The following WDR72 variants were observed in gnomAD, a reference collection of about 807,000 sequenced individuals.
WDR72 encodes the protein WD repeat-containing protein 72.
WDR72 carries 120 observed loss-of-function variants against 124.2 expected under a neutral mutation model. The ratio of observed to expected loss-of-function variants is 0.97; its 90% CI spans 0.83 to 1.12. WDR72 has a LOEUF of 1.12. Among genes scored for constraint, WDR72 ranks in the 50% most tolerant of loss-of-function variants. WDR72 has a pLI of 0.00. For synonymous variants in WDR72, 452 were observed against 441.7 expected, an observed-to-expected ratio of 1.02 and a Z score of -0.29; for missense variants, 1,387 against 1,278.8, an observed-to-expected ratio of 1.08 and a Z score of -1.29.
intron 14 of WDR72, among the ~76,000 whole-genome samples, chr15:53,626,088 C>CG (rs1375398743): frequency 6.6e-6 from 1 of 152,090 alleles, no homozygotes; most frequent in Admixed American, 6.6e-5. Flanking sequence ...CTACTGTTAC[C>CG]GGGGGTCCTT....
At chr15:53,539,699 G>A (rs547327506) in intron 18 of WDR72, among the ~76,000 whole-genome samples, 4 of 150,892 alleles carry the variant, frequency 2.7e-5, no homozygotes, top group South Asian at 2.1e-4. Context: ...GAAAGTGAGA[G>A]AGAAAGAGAG....
chr15:53,582,834 G>A (rs527547977), intron 18 of WDR72, among the ~76,000 whole-genome samples: 1 of 151,798 alleles, frequency 6.6e-6, no homozygotes, highest in South Asian at 2.1e-4. Flanking sequence ...ACTAATAGTT[G>A]GCTTTTATAA....
chr15:53,661,143 G>T (rs1341959761), intron 14 of WDR72, among the ~76,000 whole-genome samples: 2 of 152,096 alleles, frequency 1.3e-5, no homozygotes, highest in South Asian at 2.1e-4. Flanking sequence ...GCAAAATTCT[G>T]GCCTGCAAAG....
At chr15:53,561,767 C>A (rs1894131255) in intron 18 of WDR72, among the ~76,000 whole-genome samples, 1 of 151,816 alleles carries the variant, frequency 6.6e-6, no homozygotes, top group South Asian at 2.1e-4. Flanking sequence ...TTAGAAAATA[C>A]AGATGCCAGC....
intron 1 of WDR72, among the ~76,000 whole-genome samples, chr15:53,741,571 C>T (rs1437033377): frequency 6.6e-6 from 1 of 152,060 alleles, no homozygotes; most frequent in East Asian, 1.9e-4. Flanking sequence ...ATGATGTAAA[C>T]AAAAGCATAT....
chr15:53,694,218 T>G (rs1323038157), intron 13 of WDR72, among the ~76,000 whole-genome samples: 3 of 152,140 alleles, frequency 2.0e-5, no homozygotes, highest in Non-Finnish European at 4.4e-5. Context: ...TGTGCAGAGA[T>G]CTGTAGGAGC....
chr15:53,620,528 A>G (rs2140375680), intron 14 of WDR72, among the ~76,000 whole-genome samples: 1 of 152,196 alleles, frequency 6.6e-6, no homozygotes, highest in Admixed American at 6.6e-5. Context: ...AACAAAGCAA[A>G]CAAAAACATA....
intron 18 of WDR72, among the ~76,000 whole-genome samples, chr15:53,549,267 T>G (rs1348290909): frequency 6.6e-6 from 1 of 152,144 alleles, no homozygotes; most frequent in African/African-American, 2.4e-5. Context: ...TCGCATGTGA[T>G]GAATGTCAAG....
intron 14 of WDR72, among the ~76,000 whole-genome samples, chr15:53,638,597 T>TGG (rs2014716135): frequency 6.6e-6 from 1 of 151,224 alleles, no homozygotes; most frequent in African/African-American, 2.4e-5. Context: ...TTTTTTTTTT[T>TGG]TTTGGTACAG....
At chr15:53,638,120 A>AT (rs1196632742) in intron 14 of WDR72, among the ~76,000 whole-genome samples, 1 of 152,248 alleles carries the variant, frequency 6.6e-6, no homozygotes, top group South Asian at 2.1e-4. Context: ...TGAGGTGAAC[A>AT]AACATAAACT....
At chr15:53,610,282 C>T (rs1242289578) in intron 16 of WDR72, among the ~76,000 whole-genome samples, 1 of 151,876 alleles carries the variant, frequency 6.6e-6, no homozygotes, top group Non-Finnish European at 1.5e-5. Context: ...GTTTCCTACA[C>T]AAAAAAGTAC....
At chr15:53,605,021 A>G (rs1166248665) in intron 17 of WDR72, among the ~76,000 whole-genome samples, 3 of 152,204 alleles carry the variant, frequency 2.0e-5, no homozygotes, top group Non-Finnish European at 2.9e-5. Flanking sequence ...TCATTCTATT[A>G]TAAAGACACA....
intron 14 of WDR72, among the ~76,000 whole-genome samples, chr15:53,623,999 T>C (rs1595801454): frequency 6.6e-6 from 1 of 152,208 alleles, no homozygotes; most frequent in Admixed American, 6.5e-5. Context: ...GAGAAGTGTA[T>C]GCTCACGACT....
At position 53,713,337 on chromosome 15, in the gene WDR72, C is replaced by T. The variant is rs192994571; in HGVS notation, c.592-446G>A. 4.8e-4 allele frequency among the ~76,000 whole-genome samples: 73 copies of T among 150,958 alleles called. 1 individual carries two copies. In the East Asian group the frequency reaches 0.014, roughly 29 times the overall value. ...ATAAGCTACAGACTGTTAGATATGG[C>T]AGAAAGGTCAAACAAAAAAATCTAA... On this transcript the variant is annotated intron_variant, in intron 6 of 19. Coordinates refer to ENST00000360509, the MANE Select transcript of WDR72 (RefSeq NM_182758.4).
intron 14 of WDR72, among the ~76,000 whole-genome samples, chr15:53,664,398 A>T (rs1393896047): frequency 1.3e-5 from 2 of 152,176 alleles, no homozygotes; most frequent in African/African-American, 4.8e-5. Flanking sequence ...GTGAAATCTA[A>T]ATCAGTCCTC....
chr15:53,683,384 G>A (rs775334204), intron 13 of WDR72, among the ~76,000 whole-genome samples: 2 of 152,068 alleles, frequency 1.3e-5, no homozygotes, highest in African/African-American at 2.4e-5. Flanking sequence ...TCAAGGTGAT[G>A]GAAACCCCAA....
At position 53,653,121 on chromosome 15, in the gene WDR72, A is replaced by AT. The variant is rs572878034; in HGVS notation, c.1962+12450dup. Among the ~76,000 whole-genome samples, 299 of 152,168 alleles carry AT rather than the reference A, an allele frequency of 2.0e-3. 2 individuals are homozygous for AT. Among genetic ancestry groups the AT allele is most frequent in the African/African-American group, 7.0e-3 (290 of 41,548 alleles). ...ACTTTTTTTTCTGTCAGTCATTTAT[A>AT]TTTTTTTCTCTTACAATTCAAAAAA... On this transcript the variant is annotated intron_variant, in intron 14 of 19. Coordinates refer to ENST00000360509, the MANE Select transcript of WDR72 (RefSeq NM_182758.4).
At chr15:53,561,461 A>T (rs1054510786) in intron 18 of WDR72, among the ~76,000 whole-genome samples, 5 of 151,830 alleles carry the variant, frequency 3.3e-5, no homozygotes, top group Non-Finnish European at 5.9e-5. Flanking sequence ...TCCTCTACAT[A>T]AAATAAGTGC....
chr15:53,538,087 T>C (rs1278593494), intron 18 of WDR72, among the ~76,000 whole-genome samples: 2 of 152,210 alleles, frequency 1.3e-5, no homozygotes, highest in Non-Finnish European at 2.9e-5. Flanking sequence ...TTATTCTAAA[T>C]AGCTTTTTTA....
Sources: gnomAD v4.1 joint callset for allele counts (sites outside exome capture counted in the v4.1 genomes callset) on GRCh38, gnomAD v4.1.1 for gene constraint, MANE v1.5 for transcripts, NCBI Gene and HGNC (gene_info 2026-07-23, HGNC 2026-07-21) for gene names.